OXR1: variants seen among roughly 807,000 people sequenced by gnomAD.
OXR1 encodes the protein oxidation resistance 1.
A neutral mutation model predicts 104.6 loss-of-function variants in OXR1; 41 were observed. The ratio of observed to expected loss-of-function variants is 0.39; its 90% CI spans 0.31 to 0.51. OXR1 has a LOEUF of 0.51. OXR1 is among the 20% of genes least tolerant of loss of function. OXR1 has a pLI of 0.77. For synonymous variants in OXR1, 348 were observed against 348.4 expected (o/e 1.00, Z 0.01); for missense variants, 955 against 1,031.9 (o/e 0.93, Z 1.02).
chr8:106,558,887 A>G (rs892861076), intron 3 of OXR1, among the ~76,000 whole-genome samples: 3 of 152,174 alleles, frequency 2.0e-5, no homozygotes, highest in Non-Finnish European at 4.4e-5. Flanking sequence ...CACATCAAGA[A>G]CAAGCACACA....
At chr8:106,396,166 T>C (rs1817773619) in intron 2 of OXR1, among the ~76,000 whole-genome samples, 1 of 152,018 alleles carries the variant, frequency 6.6e-6, no homozygotes, top group South Asian at 2.1e-4. Context: ...TTCCAAATAC[T>C]ATATGTAGAT....
intron 1 of OXR1, among the ~76,000 whole-genome samples, chr8:106,302,478 C>T (rs866889510): frequency 2.7e-5 from 4 of 150,172 alleles, no homozygotes; most frequent in Non-Finnish European, 4.4e-5. Flanking sequence ...CCCAGCTACT[C>T]GGGAGGCTGA....
chr8:106,653,645 T>G (rs979592121), intron 3 of OXR1, among the ~76,000 whole-genome samples: 1 of 151,978 alleles, frequency 6.6e-6, no homozygotes, highest in African/African-American at 2.4e-5. Context: ...ATATCATATT[T>G]AATTGTGAAA....
intron 2 of OXR1, among the ~76,000 whole-genome samples, chr8:106,370,919 G>A (rs1291395723): frequency 1.3e-5 from 2 of 152,170 alleles, no homozygotes; most frequent in African/African-American, 4.8e-5. Flanking sequence ...CATAAAATGA[G>A]TTAGGGAAGA....
In OXR1 at chr8:106,583,700, C is replaced by T. The variant is rs1353962142; in HGVS notation, c.220+64561C>T. On this transcript the variant is annotated intron_variant, in intron 3 of 16. Transcript: ENST00000517566. ...GAATAACTGAGAAGCACCCAATTTACAGTGTGGAACTCCTGAAAGTAGTTG... is the reference window on the plus strand; with the variant it reads ...GAATAACTGAGAAGCACCCAATTTATAGTGTGGAACTCCTGAAAGTAGTTG... Among the ~76,000 whole-genome samples the T allele has an allele frequency of 2.6e-5, 4 of 152,140 alleles. No homozygotes were observed. The East Asian group carries it at 7.7e-4, about 29-fold the overall frequency.
chr8:106,538,464 C>T (rs1379760124), intron 3 of OXR1, among the ~76,000 whole-genome samples: 1 of 152,000 alleles, frequency 6.6e-6, no homozygotes, highest in Non-Finnish European at 1.5e-5. Flanking sequence ...TTTTTCCCCT[C>T]CCATTAAGTT....
chr8:106,697,831 A>G, intron 7 of OXR1: 1 of 1,612,200 alleles, frequency 6.2e-7, no homozygotes, highest in Non-Finnish European at 8.5e-7. Flanking sequence ...CTCACATAAC[A>G]CCGTGCCATC....
intron 2 of OXR1, among the ~76,000 whole-genome samples, chr8:106,476,479 G>A (rs1330464771): frequency 6.6e-6 from 1 of 151,894 alleles, no homozygotes; most frequent in Non-Finnish European, 1.5e-5. Context: ...AGGCAGTCCT[G>A]ATTATAAACC....
intron 2 of OXR1, among the ~76,000 whole-genome samples, chr8:106,417,100 A>G (rs1343591658): frequency 1.3e-5 from 2 of 150,898 alleles, no homozygotes; most frequent in Admixed American, 6.6e-5. Context: ...TTTTTAATGT[A>G]TTATGTTTAA....
intron 2 of OXR1, among the ~76,000 whole-genome samples, chr8:106,452,640 C>CTGT (rs1820380005): frequency 6.6e-6 from 1 of 152,096 alleles, no homozygotes; most frequent in African/African-American, 2.4e-5. Context: ...TTAACTTGGT[C>CTGT]ACCAATTTAC....
chr8:106,692,458 A>G (rs997260737), intron 6 of OXR1, among the ~76,000 whole-genome samples: 2 of 151,938 alleles, frequency 1.3e-5, no homozygotes, highest in Admixed American at 6.6e-5. Context: ...AGATTATTTT[A>G]TTTTTTAAAT....
intron 2 of OXR1, among the ~76,000 whole-genome samples, chr8:106,389,680 T>A (rs1817518559): frequency 6.6e-6 from 1 of 152,220 alleles, no homozygotes; most frequent in Non-Finnish European, 1.5e-5. Flanking sequence ...TGATATTTCA[T>A]ATTTGATGAT....
intron 3 of OXR1, among the ~76,000 whole-genome samples, chr8:106,571,522 G>T (rs1478450629): frequency 6.6e-6 from 1 of 152,128 alleles, no homozygotes; most frequent in Non-Finnish European, 1.5e-5. Flanking sequence ...GCGGCCAGGG[G>T]TGTGGCATAA....
At chr8:106,694,387 C>T (rs2131303271) in intron 7 of OXR1, among the ~76,000 whole-genome samples, 1 of 136,626 alleles carries the variant, frequency 7.3e-6, no homozygotes, top group East Asian at 2.2e-4. Flanking sequence ...CTGTTTTTGC[C>T]ATACATTATA....
chr8:106,740,933 C>T (rs1261931620), intron 14 of OXR1, among the ~76,000 whole-genome samples: 1 of 152,068 alleles, frequency 6.6e-6, no homozygotes, highest in Non-Finnish European at 1.5e-5. Context: ...GTTCTTCAAA[C>T]AGCAAGTTCA....
intron 3 of OXR1, among the ~76,000 whole-genome samples, chr8:106,667,184 G>T (rs1315141897): frequency 6.6e-6 from 1 of 152,100 alleles, no homozygotes; most frequent in Non-Finnish European, 1.5e-5. Context: ...GCCAAGATCT[G>T]ATTATAATCA....
chr8:106,419,417 C>T (rs1818814016), intron 2 of OXR1, among the ~76,000 whole-genome samples: 1 of 152,146 alleles, frequency 6.6e-6, no homozygotes, highest in African/African-American at 2.4e-5. Context: ...CTGCAAAGAA[C>T]ATCCCAGTTC....
chr8:106,328,606 A>G (rs192509094), intron 1 of OXR1, among the ~76,000 whole-genome samples: 3 of 152,342 alleles, frequency 2.0e-5, no homozygotes, highest in East Asian at 1.9e-4. Flanking sequence ...TGAAACTTCA[A>G]TGTCAGTCTG....
At chr8:106,410,519 C>T (rs1818419438) in intron 2 of OXR1, among the ~76,000 whole-genome samples, 1 of 152,066 alleles carries the variant, frequency 6.6e-6, no homozygotes, top group Non-Finnish European at 1.5e-5. Context: ...TAGACCTGAG[C>T]CTTTAGAAGG....
Sources: allele counts gnomAD v4.1 joint callset (sites outside exome capture counted in the v4.1 genomes callset), GRCh38; gene constraint gnomAD v4.1.1; transcripts MANE v1.5; gene names NCBI Gene and HGNC (gene_info 2026-07-23, HGNC 2026-07-21).